Variants in NCAM2 observed in about 807,000 individuals in gnomAD.
The protein encoded by NCAM2 is neural cell adhesion molecule 2.
In NCAM2, 30 loss-of-function variants were observed where a neutral mutation model predicts 98.1. The observed-to-expected ratio is 0.31, with a 90% CI of 0.23 to 0.41. The LOEUF (loss-of-function observed/expected upper bound fraction) is 0.41, where lower values mean the gene tolerates loss of function less well. Ranked by LOEUF, NCAM2 falls within the 10% of genes least tolerant of loss-of-function variation. NCAM2 has a pLI of 1.00. For missense variants in NCAM2, 867 were observed against 1,005.8 expected (o/e 0.86, Z 1.87); for synonymous variants, 368 against 342.4 (o/e 1.07, Z -0.83).
rs370536285 is a variant in NCAM2, at chr21:21,520,854, AC to A, written c.2282+11800del. Among the ~76,000 whole-genome samples, 903 of 152,084 alleles carry A rather than the reference AC, an allele frequency of 5.9e-3. 10 individuals carry two copies. The highest frequency in any genetic ancestry group is 0.021 in the African/African-American group (869 of 41,372). On this transcript the variant is annotated intron_variant, in intron 16 of 17. Transcript: ENST00000400546. ...ATGAATTGGTAGAGGCTCGATGTGG[AC>A]AAATCTGTGAGTTGAAAACTCCAGG... is the stretch of plus-strand genomic sequence containing the variant.
chr21:21,537,913 T>C lies in NCAM2; in HGVS notation c.2470T>C (p.Ser824Pro), dbSNP rs1229270844. 6.3e-7 allele frequency: 1 copy of C among 1,582,196 alleles called. No individual in the cohort carries two copies. The highest frequency in any genetic ancestry group is 2.3e-5 in the East Asian group (1 of 43,750). ...TCCAGAAACTATAGAAATTAAAGTT[T>C]CTAACGACATCATTCAATCAAAAGA... is the stretch of plus-strand genomic sequence containing the variant. ...LNPETIEIKV[S>P]NDIIQSKEDD... The change falls in exon 18 of 18, where the codon TCT (serine) becomes CCT (proline). Residue 824 changes from serine (S) to proline (P), a missense_variant. Ser to Pro is a moderately conservative substitution (Grantham distance 74, BLOSUM62 -1). Transcript: ENST00000400546.
At chr21:21,138,192 A>G (rs1893257) in intron 1 of NCAM2, among the ~76,000 whole-genome samples, 38,937 of 152,104 alleles carry the variant, frequency 0.26, 5,727 homozygotes, top group East Asian at 0.45. Context: ...GAGCAAGCAC[A>G]GATGTCTTCA....
At chr21:21,413,244 T>C (rs1317376500) in intron 10 of NCAM2, among the ~76,000 whole-genome samples, 1 of 152,172 alleles carries the variant, frequency 6.6e-6, no homozygotes, top group African/African-American at 2.4e-5. Flanking sequence ...GTTAGAATAA[T>C]ATTGTGCTTT....
intron 15 of NCAM2, among the ~76,000 whole-genome samples, chr21:21,502,080 A>G (rs1354529120): frequency 6.6e-6 from 1 of 151,962 alleles, no homozygotes; most frequent in Admixed American, 6.6e-5. Context: ...TTGCTTGACT[A>G]TATTAAGTAA....
chr21:21,443,140 G>A (rs1979560601), intron 12 of NCAM2, among the ~76,000 whole-genome samples: 1 of 152,114 alleles, frequency 6.6e-6, no homozygotes, highest in African/African-American at 2.4e-5. Context: ...CATGGATGAA[G>A]CTGGAAACCA....
At chr21:21,264,654 CAT>C (rs550394261) in intron 1 of NCAM2, among the ~76,000 whole-genome samples, 22 of 147,928 alleles carry the variant, frequency 1.5e-4, no homozygotes, top group East Asian at 6.0e-4. Flanking sequence ...TGTGTGTGTG[CAT>C]ATATATATAT....
chr21:21,400,804 AC>A (rs1357706094), intron 9 of NCAM2, among the ~76,000 whole-genome samples: 1 of 152,100 alleles, frequency 6.6e-6, no homozygotes, highest in Admixed American at 6.5e-5. Flanking sequence ...GCTTTTATAA[AC>A]ATGAAATAAT....
At chr21:21,352,273 T>A (rs1382999043) in intron 8 of NCAM2, among the ~76,000 whole-genome samples, 1 of 151,834 alleles carries the variant, frequency 6.6e-6, no homozygotes, top group African/African-American at 2.4e-5. Flanking sequence ...ATTTGGCTGT[T>A]GTTGTTGGTG....
chr21:21,041,102 A>T (rs753524152), intron 1 of NCAM2, among the ~76,000 whole-genome samples: 40 of 152,204 alleles, frequency 2.6e-4, no homozygotes, highest in Non-Finnish European at 5.0e-4. Context: ...CTGAAAAACA[A>T]CAACAAAACA....
At chr21:21,098,168 AATT>A (rs951294323) in intron 1 of NCAM2, among the ~76,000 whole-genome samples, 4 of 151,228 alleles carry the variant, frequency 2.6e-5, no homozygotes, top group African/African-American at 7.3e-5. Context: ...ATTGTTAGTT[AATT>A]ATTATTGGAT....
chr21:21,240,559 G>A (rs753263883), intron 1 of NCAM2, among the ~76,000 whole-genome samples: 5 of 152,122 alleles, frequency 3.3e-5, no homozygotes, highest in East Asian at 1.9e-4. Flanking sequence ...TTCTGACTCC[G>A]TCATTAATTA....
intron 1 of NCAM2, among the ~76,000 whole-genome samples, chr21:21,028,276 G>A (rs934695698): frequency 1.3e-5 from 2 of 152,000 alleles, no homozygotes; most frequent in Non-Finnish European, 2.9e-5. Context: ...TTGTTGTTTT[G>A]GTTCTCATTA....
intron 1 of NCAM2, among the ~76,000 whole-genome samples, chr21:21,125,935 G>T (rs2066812342): frequency 6.6e-6 from 1 of 151,446 alleles, no homozygotes; most frequent in Non-Finnish European, 1.5e-5. Flanking sequence ...CTTCACTAGT[G>T]TATGTAATTT....
intron 1 of NCAM2, among the ~76,000 whole-genome samples, chr21:21,148,697 A>T (rs1390390444): frequency 6.6e-6 from 1 of 152,156 alleles, no homozygotes; most frequent in East Asian, 1.9e-4. Context: ...AAGTTGTCAT[A>T]GTTATTAATA....
chr21:21,001,423 C>A (rs1016091438), intron 1 of NCAM2, among the ~76,000 whole-genome samples: 1 of 152,098 alleles, frequency 6.6e-6, no homozygotes, highest in Non-Finnish European at 1.5e-5. Context: ...AAAGAAAATG[C>A]TGTAATTCTG....
At chr21:21,117,791 G>A (rs546232985) in intron 1 of NCAM2, among the ~76,000 whole-genome samples, 1 of 151,960 alleles carries the variant, frequency 6.6e-6, no homozygotes, top group Non-Finnish European at 1.5e-5. Context: ...TTGATTAATC[G>A]TGGTCTCCTT....
intron 1 of NCAM2, among the ~76,000 whole-genome samples, chr21:21,071,445 C>T (rs2065561199): frequency 6.6e-6 from 1 of 151,928 alleles, no homozygotes; most frequent in Admixed American, 6.6e-5. Flanking sequence ...GTGGAGAAAG[C>T]AAGTCCAGAG....
intron 1 of NCAM2, among the ~76,000 whole-genome samples, chr21:21,267,439 A>G (rs894124722): frequency 2.0e-5 from 3 of 152,204 alleles, no homozygotes; most frequent in Non-Finnish European, 2.9e-5. Flanking sequence ...TATAACTTCT[A>G]CAGCTTGTTG....
chr21:21,047,545 T>C (rs2065026803), intron 1 of NCAM2, among the ~76,000 whole-genome samples: 1 of 152,164 alleles, frequency 6.6e-6, no homozygotes, highest in Non-Finnish European at 1.5e-5. Flanking sequence ...GTTCTAGTAA[T>C]AGAATTGAAT....
Sources: gnomAD v4.1 joint callset for allele counts (sites outside exome capture counted in the v4.1 genomes callset) on GRCh38, gnomAD v4.1.1 for gene constraint, MANE v1.5 for transcripts, NCBI Gene and HGNC (gene_info 2026-07-23, HGNC 2026-07-21) for gene names.